Variants in MTCH2 observed in about 807,000 individuals in gnomAD.
MTCH2 encodes the protein mitochondrial carrier homolog 2.
A neutral mutation model predicts 50.6 loss-of-function variants in MTCH2; 25 were observed. The ratio of observed to expected loss-of-function variants is 0.49; its 90% confidence interval spans 0.36 to 0.69. The LOEUF is 0.69. MTCH2 is among the 30% of genes least tolerant of loss of function. The probability of loss-of-function intolerance (pLI) is 0.00; values close to 1 mark genes in which losing one functional copy is unlikely to be tolerated. For missense variants in MTCH2, 273 were observed against 384.4 expected (o/e 0.71, Z 2.42); for synonymous variants, 106 against 132.0 (o/e 0.80, Z 1.35).
In MTCH2 at chr11:47,627,522, C is replaced by A. The variant is rs1598841094; in HGVS notation, c.634-395G>T. 2.0e-5 allele frequency among the ~76,000 whole-genome samples: 3 copies of A among 152,138 alleles called. No homozygotes were observed. The South Asian group carries it at 6.2e-4, about 32-fold the overall frequency. On this transcript the variant is annotated intron_variant, in intron 9 of 12. Coordinates refer to ENST00000302503, the MANE Select transcript of MTCH2 (RefSeq NM_014342.4). ...CTCCTGGCTTCAGGCAAACCTCCCA[C>A]CTAAGCCTCCTGAGTCGCTGGAATC...
intron 4 of MTCH2, 113 bp downstream of exon 4, chr11:47,635,432 T>A: frequency 1.7e-6 from 2 of 1,201,552 alleles, no homozygotes; most frequent in Non-Finnish European, 2.4e-6. Flanking sequence ...AGGACAACAC[T>A]CACTGAGATG....
downstream of MTCH2, among the ~76,000 whole-genome samples, chr11:47,613,498 C>T (rs79149467): frequency 6.1e-3 from 925 of 152,226 alleles, 8 homozygotes; most frequent in African/African-American, 0.021. Flanking sequence ...AGAAATGTTA[C>T]CAGCCAAATG....
chr11:47,642,551 G>C lies in MTCH2; in HGVS notation c.-86C>G. On this transcript the variant is annotated 5_prime_UTR_variant, in exon 1 of 13. Coordinates refer to ENST00000302503, the MANE Select transcript of MTCH2 (RefSeq NM_014342.4). ...TCCTAGGTCACGTGCCAGGGCCGCC[G>C]GTTTCACTGGCCCGCCCGCGGCGCG... The C allele has an allele frequency of 8.1e-7, 1 of 1,241,852 alleles. No individual in the cohort carries two copies. Among genetic ancestry groups the C allele is most frequent in the Non-Finnish European group, 1.1e-6 (1 of 912,804 alleles). The allele number at this position is 1,241,852 out of a possible 1,614,324, so 76.9% of individuals were successfully genotyped here.
chr11:47,631,960 G>A (rs1187529103), intron 5 of MTCH2, among the ~76,000 whole-genome samples: 1 of 152,016 alleles, frequency 6.6e-6, no homozygotes, highest in African/African-American at 2.4e-5. Context: ...CTGCAAAGCA[G>A]GCTTCTGTTG....
At chr11:47,631,625 G>C (rs776229768) in intron 6 of MTCH2, 29 bp downstream of exon 6, 1 of 1,612,556 alleles carries the variant, frequency 6.2e-7, no homozygotes, top group Admixed American at 1.7e-5. Flanking sequence ...GGTTATAAAA[G>C]AAAGGTCAGT....
At chr11:47,630,083 C>T (rs2153799622) in intron 8 of MTCH2, among the ~76,000 whole-genome samples, 1 of 152,218 alleles carries the variant, frequency 6.6e-6, no homozygotes, top group South Asian at 2.1e-4. Flanking sequence ...GGCTGGAGTA[C>T]AGTGGTGCAA....
downstream of MTCH2, among the ~76,000 whole-genome samples, chr11:47,616,702 A>T: frequency 7.1e-6 from 1 of 140,672 alleles, no homozygotes; most frequent in African/African-American, 2.7e-5. Context: ...TTTTTAAGAG[A>T]TGGGAGTTTC....
chr11:47,619,354 A>G (rs951369835), intron 12 of MTCH2, among the ~76,000 whole-genome samples: 3 of 152,070 alleles, frequency 2.0e-5, no homozygotes, highest in Non-Finnish European at 4.4e-5. Flanking sequence ...CTCCTGCCTC[A>G]GCCTCCTAAG....
chr11:47,620,248 C>T (rs948995849), intron 12 of MTCH2, among the ~76,000 whole-genome samples: 1 of 151,738 alleles, frequency 6.6e-6, no homozygotes, highest in African/African-American at 2.4e-5. Context: ...GCACGTTGTG[C>T]ACATGTACCC....
intron 11 of MTCH2, 44 bp from the exon 12 acceptor site, chr11:47,622,820 C>T (rs756616131): frequency 9.9e-7 from 1 of 1,009,772 alleles, no homozygotes; most frequent in East Asian, 3.2e-5. Context: ...TAATATTAAC[C>T]ATTCTCTTGA....
chr11:47,609,736 G>A, the MTCH2 span, among the ~76,000 whole-genome samples: 23 of 152,078 alleles, frequency 1.5e-4, no homozygotes, highest in Non-Finnish European at 1.3e-4. Context: ...AGGTAGAGGA[G>A]AGTCATGGCC....
chr11:47,642,162 C>T (rs1447775105), intron 1 of MTCH2, among the ~76,000 whole-genome samples: 2 of 152,070 alleles, frequency 1.3e-5, no homozygotes, highest in East Asian at 1.9e-4. Context: ...GAGGAGAGGG[C>T]CTCAACGCTG....
chr11:47,627,073 AACTC>A lies in MTCH2; in HGVS notation c.681+3_681+6del. 1.9e-6 allele frequency: 3 copies of A among 1,583,844 alleles called. No individual in the cohort carries two copies. Among genetic ancestry groups the A allele is most frequent in the Non-Finnish European group, 2.6e-6 (3 of 1,162,214 alleles). On this transcript the variant is annotated splice_donor_5th_base_variant and intron_variant, in intron 10 of 12. Transcript: ENST00000302503. ...CTAGAAGGTTAAAAGGATTTTAAAAAACTCACTCCTGTGACAGCTTGAGAATAAC... is the reference window on the plus strand; with the variant it reads ...CTAGAAGGTTAAAAGGATTTTAAAAAACTCCTGTGACAGCTTGAGAATAAC...
chr11:47,628,305 C>T (rs1304970524), intron 9 of MTCH2, among the ~76,000 whole-genome samples: 1 of 152,120 alleles, frequency 6.6e-6, no homozygotes, highest in Non-Finnish European at 1.5e-5. Context: ...CCCGATACAC[C>T]ATAAAGATGT....
intron 9 of MTCH2, among the ~76,000 whole-genome samples, chr11:47,627,772 G>A (rs1465816592): frequency 6.6e-6 from 1 of 151,800 alleles, no homozygotes; most frequent in Non-Finnish European, 1.5e-5. Context: ...ATTACAGCAT[G>A]AGCCACCACA....
At chr11:47,639,123 T>A in intron 1 of MTCH2, 72 bp from the exon 2 acceptor site, 1 of 1,330,108 alleles carries the variant, frequency 7.5e-7, no homozygotes, top group Non-Finnish European at 1.1e-6. Flanking sequence ...AGGTCTTGAA[T>A]AAAGAACACA....
At chr11:47,629,114 C>T in intron 8 of MTCH2, 68 bp from the exon 9 acceptor site, 1 of 1,301,486 alleles carries the variant, frequency 7.7e-7, no homozygotes, top group East Asian at 2.5e-5. Context: ...CTCTTCAGTA[C>T]AAATGTTTGT....
downstream of MTCH2, among the ~76,000 whole-genome samples, chr11:47,614,660 C>A (rs987652032): frequency 6.6e-6 from 1 of 152,196 alleles, no homozygotes; most frequent in African/African-American, 2.4e-5. Flanking sequence ...TGGCTCACTG[C>A]AACCTCCACC....
chr11:47,623,735 T>C (rs2097295403), intron 11 of MTCH2, among the ~76,000 whole-genome samples: 1 of 152,078 alleles, frequency 6.6e-6, no homozygotes, highest in Non-Finnish European at 1.5e-5. Context: ...AGGTACCATA[T>C]GGGAAAAGAA....
Sources: gnomAD v4.1 joint callset for allele counts (sites outside exome capture counted in the v4.1 genomes callset) on GRCh38, gnomAD v4.1.1 for gene constraint, MANE v1.5 for transcripts, NCBI Gene and HGNC (gene_info 2026-07-23, HGNC 2026-07-21) for gene names.